The following B3GALT1 variants were observed in gnomAD, a reference collection of about 807,000 sequenced individuals.
B3GALT1 encodes beta-1,3-galactosyltransferase 1, also known as UDP-Gal:betaGlcNAc beta 1,3-galactosyltransferase, polypeptide 1.
In B3GALT1, 10 loss-of-function variants were observed where a neutral mutation model predicts 23.2. The ratio of observed to expected loss-of-function variants is 0.43; its 90% CI spans 0.27 to 0.73. B3GALT1 has a LOEUF of 0.73. Among genes scored for constraint, B3GALT1 ranks in the 30% least tolerant of loss-of-function variants. B3GALT1 has a pLI of 0.21. For synonymous variants in B3GALT1, 156 were observed against 141.5 expected (o/e 1.10, Z -0.73); for missense variants, 299 against 405.4 (o/e 0.74, Z 2.25).
chr2:167,393,572 T>C (rs1448651304), intron 1 of B3GALT1, among the ~76,000 whole-genome samples: 1 of 152,220 alleles, frequency 6.6e-6, no homozygotes, highest in East Asian at 1.9e-4. Context: ...ATTGTATAAA[T>C]ACTTTTTAAA....
chr2:167,828,795 A>C (rs1689283137), intron 4 of B3GALT1, among the ~76,000 whole-genome samples: 1 of 152,234 alleles, frequency 6.6e-6, no homozygotes, highest in Admixed American at 6.5e-5. Context: ...TTCATTTTGC[A>C]GATTAGGAAA....
intron 1 of B3GALT1, among the ~76,000 whole-genome samples, chr2:167,300,468 A>G (rs986497190): frequency 2.6e-5 from 4 of 152,246 alleles, no homozygotes; most frequent in East Asian, 1.9e-4. Context: ...TTCATCTACA[A>G]TAACAAGTAG....
intron 3 of B3GALT1, among the ~76,000 whole-genome samples, chr2:167,816,084 C>T (rs6716128): frequency 0.011 from 1,652 of 152,242 alleles, 27 homozygotes; most frequent in African/African-American, 0.037. Context: ...AAGAAAGTAG[C>T]TTATATTTTT....
At chr2:167,351,480 T>C (rs1697307620) in intron 1 of B3GALT1, among the ~76,000 whole-genome samples, 1 of 152,308 alleles carries the variant, frequency 6.6e-6, no homozygotes. Context: ...TTTGCATTAA[T>C]TACTCTTCAT....
chr2:167,863,325 C>T (rs1690142563), intron 4 of B3GALT1, among the ~76,000 whole-genome samples: 1 of 152,158 alleles, frequency 6.6e-6, no homozygotes, highest in Non-Finnish European at 1.5e-5. Flanking sequence ...TATATGTCCT[C>T]AGGATCTAAA....
chr2:167,348,008 T>TTA (rs999183884), intron 1 of B3GALT1, among the ~76,000 whole-genome samples: 3 of 152,172 alleles, frequency 2.0e-5, no homozygotes, highest in African/African-American at 7.2e-5. Flanking sequence ...TGTCCAAAAC[T>TTA]TATTTACTGT....
chr2:167,310,523 G>A (rs1696620468), intron 1 of B3GALT1, among the ~76,000 whole-genome samples: 1 of 152,022 alleles, frequency 6.6e-6, no homozygotes, highest in South Asian at 2.1e-4. Flanking sequence ...AAATCTTCCA[G>A]GCAGGGTTTT....
At chr2:167,660,891 AT>A (rs1249804273) in intron 3 of B3GALT1, among the ~76,000 whole-genome samples, 1 of 152,172 alleles carries the variant, frequency 6.6e-6, no homozygotes, top group Non-Finnish European at 1.5e-5. Context: ...AATCAATAGA[AT>A]AAAGTAATGA....
intron 1 of B3GALT1, among the ~76,000 whole-genome samples, chr2:167,417,810 C>G (rs1219555058): frequency 6.6e-6 from 1 of 152,174 alleles, no homozygotes; most frequent in Non-Finnish European, 1.5e-5. Flanking sequence ...ATTGAGTTCT[C>G]TGACAAAATG....
At chr2:167,362,732 A>G (rs1010493763) in intron 1 of B3GALT1, among the ~76,000 whole-genome samples, 1 of 152,148 alleles carries the variant, frequency 6.6e-6, no homozygotes, top group African/African-American at 2.4e-5. Flanking sequence ...TCTTAATAAA[A>G]TGGTGCTCTG....
At chr2:167,782,000 C>T (rs1195193933) in intron 3 of B3GALT1, among the ~76,000 whole-genome samples, 1 of 152,194 alleles carries the variant, frequency 6.6e-6, no homozygotes, top group African/African-American at 2.4e-5. Flanking sequence ...GCCTCGCCCT[C>T]CCAAAGTGCT....
intron 2 of B3GALT1, among the ~76,000 whole-genome samples, chr2:167,592,970 A>G (rs1231295985): frequency 6.6e-6 from 1 of 152,222 alleles, no homozygotes; most frequent in Non-Finnish European, 1.5e-5. Context: ...CATGTCACCT[A>G]TCAAACTAAC....
intron 2 of B3GALT1, among the ~76,000 whole-genome samples, chr2:167,571,359 G>A (rs77965667): frequency 0.012 from 1,804 of 151,978 alleles, 35 homozygotes; most frequent in African/African-American, 0.041. Flanking sequence ...CCTAGAAAAA[G>A]CATTTTCCTT....
chr2:167,630,570 G>A (rs1685421992), intron 2 of B3GALT1, among the ~76,000 whole-genome samples: 2 of 151,568 alleles, frequency 1.3e-5, no homozygotes, highest in African/African-American at 4.8e-5. Flanking sequence ...TAAGCAGTAA[G>A]TGCTGAAGGA....
intron 3 of B3GALT1, among the ~76,000 whole-genome samples, chr2:167,684,494 T>C (rs1253819686): frequency 6.6e-6 from 1 of 152,202 alleles, no homozygotes; most frequent in Non-Finnish European, 1.5e-5. Flanking sequence ...ATTATGCCTT[T>C]CTGGTCCTAT....
At chr2:167,499,476 C>A (rs1251543663) in intron 2 of B3GALT1, among the ~76,000 whole-genome samples, 3 of 151,960 alleles carry the variant, frequency 2.0e-5, no homozygotes, top group Admixed American at 6.6e-5. Flanking sequence ...AAAACGAAAT[C>A]TTTGTTAAAG....
At chr2:167,610,078 T>C (rs1685033054) in intron 2 of B3GALT1, among the ~76,000 whole-genome samples, 1 of 152,092 alleles carries the variant, frequency 6.6e-6, no homozygotes, top group African/African-American at 2.4e-5. Context: ...AAAATGAGGA[T>C]ATAGTTAAAG....
At chr2:167,447,105 G>T (rs527369573) in intron 1 of B3GALT1, among the ~76,000 whole-genome samples, 1 of 152,340 alleles carries the variant, frequency 6.6e-6, no homozygotes, top group East Asian at 1.9e-4. Flanking sequence ...CTACAGGTCT[G>T]TTGGAGTTTG....
intron 3 of B3GALT1, among the ~76,000 whole-genome samples, chr2:167,744,324 T>C (rs79907435): frequency 1.2e-3 from 182 of 152,316 alleles, no homozygotes; most frequent in African/African-American, 4.2e-3. Context: ...TCTTTCATTA[T>C]AATAAGAGAT....
Sources: allele counts gnomAD v4.1 joint callset (sites outside exome capture counted in the v4.1 genomes callset), GRCh38; gene constraint gnomAD v4.1.1; transcripts MANE v1.5; gene names NCBI Gene and HGNC (gene_info 2026-07-23, HGNC 2026-07-21).